Variants in SFMBT2 observed in about 807,000 individuals in gnomAD.
The protein encoded by SFMBT2 is Scm like with four mbt domains 2, also known as scm-like with four MBT domains protein 2.
A neutral mutation model predicts 110.1 loss-of-function variants in SFMBT2; 38 were observed. The ratio of observed to expected loss-of-function variants is 0.35; its 90% CI spans 0.27 to 0.45. The LOEUF is 0.45. Among genes scored for constraint, SFMBT2 ranks in the 20% least tolerant of loss-of-function variants. The pLI, the probability that SFMBT2 is intolerant of heterozygous loss-of-function variation, is 1.00. For missense variants in SFMBT2, 1,011 were observed against 1,094.9 expected, an observed-to-expected ratio of 0.92 and a Z score of 1.08; for synonymous variants, 425 against 425.4, an observed-to-expected ratio of 1.00 and a Z score of 0.01.
At chr10:7,199,143 T>C (rs1017328398) in intron 14 of SFMBT2, among the ~76,000 whole-genome samples, 1 of 152,096 alleles carries the variant, frequency 6.6e-6, no homozygotes, top group East Asian at 2.0e-4. Flanking sequence ...CATGCCCGGC[T>C]AATTTTTGTA....
At chr10:7,199,786 T>C (rs536075436) in intron 14 of SFMBT2, among the ~76,000 whole-genome samples, 10 of 152,230 alleles carry the variant, frequency 6.6e-5, no homozygotes, top group Non-Finnish European at 1.3e-4. Flanking sequence ...ATGTTGGTTT[T>C]AATCCTGGAA....
intron 11 of SFMBT2, chr10:7,219,622 G>GT (rs1839659835): frequency 1.4e-5 from 4 of 288,208 alleles, no homozygotes; most frequent in Non-Finnish European, 2.1e-5. Context: ...CTATGAACTA[G>GT]GAGAGCTAAC....
intron 11 of SFMBT2, among the ~76,000 whole-genome samples, chr10:7,212,620 C>T (rs914272357): frequency 1.3e-5 from 2 of 152,232 alleles, no homozygotes; most frequent in African/African-American, 2.4e-5. Context: ...ATGACTCTTA[C>T]ACTCTATCGA....
intron 4 of SFMBT2, among the ~76,000 whole-genome samples, chr10:7,306,090 G>A (rs984379439): frequency 1.3e-5 from 2 of 152,192 alleles, no homozygotes; most frequent in Non-Finnish European, 2.9e-5. Flanking sequence ...AGCCATACCT[G>A]TACCTTAATG....
At chr10:7,206,963 T>C (rs1372793564) in intron 11 of SFMBT2, 1 of 984,192 alleles carries the variant, frequency 1.0e-6, no homozygotes, top group Non-Finnish European at 1.2e-6. Flanking sequence ...TGGTGGCTCA[T>C]GACTGTAATC....
chr10:7,269,713 T>TGC (rs879690804), intron 7 of SFMBT2, among the ~76,000 whole-genome samples: 1 of 11,600 alleles, frequency 8.6e-5, no homozygotes, highest in South Asian at 2.1e-3. Flanking sequence ...AGTAAGTGTG[T>TGC]GCGTGTGTGT....
chr10:7,309,124 G>C (rs1376476700), intron 4 of SFMBT2, among the ~76,000 whole-genome samples: 5 of 152,224 alleles, frequency 3.3e-5, no homozygotes, highest in African/African-American at 1.2e-4. Flanking sequence ...TGTAGACTGA[G>C]TAAAGTGGAC....
At chr10:7,215,483 T>G in intron 11 of SFMBT2, 4 of 855,468 alleles carry the variant, frequency 4.7e-6, no homozygotes, top group Non-Finnish European at 5.6e-6. Context: ...CATAGATTAA[T>G]TAATGTTGCA....
intron 11 of SFMBT2, chr10:7,206,835 G>T (rs1052752401): frequency 5.1e-6 from 5 of 975,100 alleles, no homozygotes; most frequent in Non-Finnish European, 6.1e-6. Context: ...TTTGAACCAG[G>T]AATCAAGAGA....
chr10:7,266,625 G>A (rs980509722), intron 7 of SFMBT2, among the ~76,000 whole-genome samples: 2 of 152,222 alleles, frequency 1.3e-5, no homozygotes, highest in Non-Finnish European at 2.9e-5. Flanking sequence ...CCACAGGGAG[G>A]CAGGAGCAAA....
intron 1 of SFMBT2, among the ~76,000 whole-genome samples, chr10:7,387,802 G>C (rs1845654319): frequency 1.3e-5 from 2 of 150,630 alleles, no homozygotes; most frequent in Admixed American, 6.6e-5. Context: ...AAACCAATTA[G>C]CTGGGTATGG....
chr10:7,174,789 T>C (rs977123998), intron 17 of SFMBT2, among the ~76,000 whole-genome samples: 3 of 152,120 alleles, frequency 2.0e-5, no homozygotes, highest in African/African-American at 4.8e-5. Flanking sequence ...GGTGCAGTGA[T>C]GGAGAAACAA....
In SFMBT2 at chr10:7,359,283, C is replaced by T. The variant is rs562432727; in HGVS notation, c.436+8366G>A. On this transcript the variant is annotated intron_variant, in intron 4 of 20. Transcript: ENST00000397167. Reference sequence around the variant, plus strand: ...AGATGGGAGCTGAGCCCTCCATGCACCCGAGGCCGTGATCATCTGAGCTGC... The same window carrying T: ...AGATGGGAGCTGAGCCCTCCATGCATCCGAGGCCGTGATCATCTGAGCTGC... Among the ~76,000 whole-genome samples, 21 of 152,316 alleles carry T rather than the reference C, an allele frequency of 1.4e-4. No individual in the cohort carries two copies. In the East Asian group the frequency reaches 3.9e-3, roughly 28 times the overall value.
At position 7,171,996 on chromosome 10, in the gene SFMBT2, G is replaced by A. The variant is rs771405631; in HGVS notation, c.2314C>T (p.Arg772Trp). ...CTTCGTGTCCTCTCTGGGGGTGGCC[G>A]GCGCACGGGCTCTGAGCCGCTCCGC... The part of the protein sequence containing the change: ...TLRSGSEPVR[R>W]PPPERTRRGR... The change falls in exon 19 of 21, where the codon CGG becomes TGG. Residue 772 changes from arginine to tryptophan, a missense_variant. By Grantham distance (101) the Arg-to-Trp change is moderately radical. Around this residue, in one of 2 missense-constraint regions of SFMBT2, gnomAD observed 979 missense variants for 1,016.1 expected, o/e 0.96. Coordinates refer to ENST00000397167, the MANE Select transcript of SFMBT2 (RefSeq NM_001387889.1). This position sits in a 1 kb window ranked among gnomAD's most constrained non-coding sequence, Gnocchi z 4.9. The A allele has an allele frequency of 1.8e-5, 28 of 1,554,776 alleles. No homozygotes were observed. Among genetic ancestry groups the A allele is most frequent in the East Asian group, 2.4e-5 (1 of 41,866 alleles).
At chr10:7,319,809 TGAGA>T (rs1250512907) in intron 4 of SFMBT2, among the ~76,000 whole-genome samples, 4 of 53,004 alleles carry the variant, frequency 7.5e-5, no homozygotes, top group Non-Finnish European at 1.7e-4. Context: ...AGACAGAGAC[TGAGA>T]GAGAGACAGA....
At chr10:7,397,831 C>T (rs959512104) in intron 1 of SFMBT2, among the ~76,000 whole-genome samples, 5 of 152,232 alleles carry the variant, frequency 3.3e-5, no homozygotes, top group African/African-American at 9.6e-5. Context: ...CCCCGTCAGC[C>T]GGGTCACTCT....
chr10:7,284,267 G>A, intron 5 of SFMBT2, 117 bp from the exon 6 acceptor site: 1 of 1,499,336 alleles, frequency 6.7e-7, no homozygotes, highest in Admixed American at 2.3e-5. Context: ...CTGGCGAACA[G>A]TCTGGCGTTC....
At chr10:7,347,380 T>C (rs1157447956) in intron 4 of SFMBT2, among the ~76,000 whole-genome samples, 1 of 152,162 alleles carries the variant, frequency 6.6e-6, no homozygotes, top group Admixed American at 6.5e-5. Flanking sequence ...TTAGGGCCTT[T>C]TGGGAACAGC....
chr10:7,177,883 G>A (rs1464870916), intron 16 of SFMBT2, among the ~76,000 whole-genome samples: 1 of 151,716 alleles, frequency 6.6e-6, no homozygotes, highest in Non-Finnish European at 1.5e-5. Flanking sequence ...AGAAGAAGAA[G>A]AAGAAGTTGA....
Sources: gnomAD v4.1 joint callset for allele counts (sites outside exome capture counted in the v4.1 genomes callset) on GRCh38, gnomAD v4.1.1 for gene constraint, gnomAD v4.1.1 regional missense constraint, Gnocchi (gnomAD v3.1) non-coding constraint, MANE v1.5 for transcripts, NCBI Gene and HGNC (gene_info 2026-07-23, HGNC 2026-07-21) for gene names.